Variants in NRXN1 observed in about 807,000 individuals in gnomAD.
NRXN1 encodes the protein neurexin 1.
Under a neutral mutation model 150.9 loss-of-function variants are expected in NRXN1, and 39 were observed. That is an observed-to-expected ratio of 0.26 (90% CI 0.20 to 0.34). The LOEUF (loss-of-function observed/expected upper bound fraction) is 0.34, where lower values mean the gene tolerates loss of function less well. Ranked by LOEUF, NRXN1 falls within the 10% of genes least tolerant of loss-of-function variation. The pLI, the probability that NRXN1 is intolerant of heterozygous loss-of-function variation, is 1.00. For synonymous variants in NRXN1, 924 were observed against 757.0 expected, an observed-to-expected ratio of 1.22 and a Z score of -3.62; for missense variants, 1,815 against 1,949.9, an observed-to-expected ratio of 0.93 and a Z score of 1.30.
chr2:50,176,566 A>C (rs1008509244), intron 18 of NRXN1, among the ~76,000 whole-genome samples: 2 of 152,102 alleles, frequency 1.3e-5, no homozygotes, highest in Admixed American at 1.3e-4. Context: ...ATAATTCCTG[A>C]GTGAAAACTA....
At chr2:50,477,681 T>A (rs1226960755) in intron 15 of NRXN1, among the ~76,000 whole-genome samples, 1 of 152,154 alleles carries the variant, frequency 6.6e-6, no homozygotes, top group African/African-American at 2.4e-5. Flanking sequence ...TTAATTTTTT[T>A]AAAAAGCATA....
intron 5 of NRXN1, among the ~76,000 whole-genome samples, chr2:50,756,835 C>G (rs1026008364): frequency 1.3e-5 from 2 of 151,742 alleles, no homozygotes; most frequent in African/African-American, 4.8e-5. Context: ...TTTTTTCACT[C>G]TCTTATAAGA....
intron 12 of NRXN1, among the ~76,000 whole-genome samples, chr2:50,521,332 T>C (rs2092783222): frequency 6.6e-6 from 1 of 152,350 alleles, no homozygotes; most frequent in Non-Finnish European, 1.5e-5. Flanking sequence ...TTTAGACTGA[T>C]ATCCTGGGAA....
chr2:50,846,232 TA>T (rs1319459273), intron 5 of NRXN1, among the ~76,000 whole-genome samples: 1 of 152,156 alleles, frequency 6.6e-6, no homozygotes, highest in Non-Finnish European at 1.5e-5. Flanking sequence ...AGAGCATCAG[TA>T]AAACATACAT....
intron 5 of NRXN1, among the ~76,000 whole-genome samples, chr2:50,638,601 TCTGGTCTCATGGA>T (rs1176220387): frequency 6.6e-6 from 1 of 152,176 alleles, no homozygotes; most frequent in African/African-American, 2.4e-5. Context: ...GTGAGCGTTC[TCTGGTCTCATGGA>T]TAGGACGCAT....
At chr2:50,468,749 T>G (rs904223238) in intron 16 of NRXN1, among the ~76,000 whole-genome samples, 1 of 151,424 alleles carries the variant, frequency 6.6e-6, no homozygotes, top group African/African-American at 2.4e-5. Flanking sequence ...TTTAGGAATG[T>G]CACCTTACTT....
intron 8 of NRXN1, among the ~76,000 whole-genome samples, chr2:50,604,969 A>T (rs1219940619): frequency 2.0e-5 from 3 of 152,192 alleles, no homozygotes; most frequent in Non-Finnish European, 2.9e-5. Context: ...CCCAAGGAGG[A>T]TACATAACTA....
chr2:50,977,133 A>C (rs957176812), intron 2 of NRXN1, among the ~76,000 whole-genome samples: 31 of 152,002 alleles, frequency 2.0e-4, no homozygotes, highest in Admixed American at 3.9e-4. Context: ...TGGTCTGCTA[A>C]TTATTATATG....
At chr2:50,497,929 T>G (rs1396280107) in intron 13 of NRXN1, among the ~76,000 whole-genome samples, 1 of 152,156 alleles carries the variant, frequency 6.6e-6, no homozygotes, top group Non-Finnish European at 1.5e-5. Context: ...TGTCCAAATT[T>G]TAGTCTTAAC....
intron 16 of NRXN1, among the ~76,000 whole-genome samples, chr2:50,471,130 G>GTACAC (rs1029939259): frequency 1.1e-4 from 16 of 151,622 alleles, no homozygotes; most frequent in Non-Finnish European, 1.9e-4. Flanking sequence ...AGCTTTAGGT[G>GTACAC]TACAAGTGGT....
intron 5 of NRXN1, among the ~76,000 whole-genome samples, chr2:50,689,818 T>C (rs1176206993): frequency 1.3e-5 from 2 of 151,888 alleles, no homozygotes; most frequent in Non-Finnish European, 2.9e-5. Flanking sequence ...ATAAGCCCAT[T>C]TGAGGCTTCC....
intron 17 of NRXN1, among the ~76,000 whole-genome samples, chr2:50,451,155 G>C (rs1055797395): frequency 6.6e-6 from 1 of 152,124 alleles, no homozygotes; most frequent in Non-Finnish European, 1.5e-5. Context: ...TTTTTGTAGA[G>C]ACAGGGCTTT....
chr2:50,456,125 G>A (rs571567265), intron 17 of NRXN1, among the ~76,000 whole-genome samples: 11 of 152,234 alleles, frequency 7.2e-5, no homozygotes, highest in East Asian at 1.9e-4. Flanking sequence ...ACACCTACGC[G>A]AACAGTTTCC....
intron 17 of NRXN1, among the ~76,000 whole-genome samples, chr2:50,444,281 C>A (rs2086209305): frequency 6.6e-6 from 1 of 152,140 alleles, no homozygotes; most frequent in Non-Finnish European, 1.5e-5. Context: ...AATAAGATTT[C>A]ATAGAAAACA....
At position 50,390,192 on chromosome 2, in the gene NRXN1, T is replaced by C. The variant is rs756702179; in HGVS notation, c.3364+75250A>G. The stretch of plus-strand genomic sequence containing the variant: ...AAATTTCATGTAAGCTAATAAGTTA[T>C]AGGTTTGCCTATTTAAACAGGCTTT... On this transcript the variant is annotated intron_variant, in intron 17 of 22. Transcript: ENST00000401669. Among the ~76,000 whole-genome samples, 191 of 152,284 alleles carry C rather than the reference T, an allele frequency of 1.3e-3. 1 individual carries two copies. Among genetic ancestry groups the C allele is most frequent in the South Asian group, 3.3e-3 (16 of 4,820 alleles).
rs187794823 is a variant in NRXN1 at position 50,510,993 on chromosome 2, C to T, written c.2375-4376G>A. ...CATGAAGTGCAAAGACATTAGATGA[C>T]GTCCCCATTGTCACAACTGTTAAAT... is the stretch of plus-strand genomic sequence containing the variant. On this transcript the variant is annotated intron_variant, in intron 12 of 22. Coordinates refer to ENST00000401669, the MANE Select transcript of NRXN1 (RefSeq NM_001330078.2). Among the ~76,000 whole-genome samples, 8 of 151,952 alleles carry T rather than the reference C, an allele frequency of 5.3e-5. No individual in the cohort carries two copies. The East Asian group carries it at 7.7e-4, about 15-fold the overall frequency.
intron 18 of NRXN1, among the ~76,000 whole-genome samples, chr2:50,174,041 TA>T (rs1166312603): frequency 1.3e-5 from 2 of 151,840 alleles, no homozygotes; most frequent in African/African-American, 2.4e-5. Context: ...CCCACAAAAA[TA>T]AAAAAAATTG....
intron 18 of NRXN1, among the ~76,000 whole-genome samples, chr2:50,124,685 AT>A (rs1704325813): frequency 6.6e-6 from 1 of 152,142 alleles, no homozygotes; most frequent in Admixed American, 6.6e-5. Context: ...CCTCCCTGCA[AT>A]TTTGACTTTT....
At chr2:50,814,489 G>A (rs895724330) in intron 5 of NRXN1, among the ~76,000 whole-genome samples, 1 of 152,040 alleles carries the variant, frequency 6.6e-6, no homozygotes, top group Non-Finnish European at 1.5e-5. Flanking sequence ...AACACAGAAA[G>A]AAGTTGGGTA....
Sources: allele counts gnomAD v4.1 joint callset (sites outside exome capture counted in the v4.1 genomes callset), GRCh38; gene constraint gnomAD v4.1.1; transcripts MANE v1.5; gene names NCBI Gene and HGNC (gene_info 2026-07-23, HGNC 2026-07-21).